ASPH: variants seen among roughly 807,000 people sequenced by gnomAD.
The protein encoded by ASPH is aspartate beta-hydroxylase.
In ASPH, 100 loss-of-function variants were observed where a neutral mutation model predicts 118.4. That is an observed-to-expected ratio of 0.84 (90% CI 0.72 to 1.00). The LOEUF (loss-of-function observed/expected upper bound fraction) is 1.00, where lower values mean the gene tolerates loss of function less well. Among genes scored for constraint, ASPH ranks in the 50% least tolerant of loss-of-function variants. The pLI is 0.00. For missense variants in ASPH, 920 were observed against 919.5 expected (o/e 1.00, Z -0.01); for synonymous variants, 315 against 325.6 (o/e 0.97, Z 0.35).
At chr8:61,656,022 A>G (rs915679309) in intron 3 of ASPH, 3 of 152,346 alleles carry the variant, frequency 2.0e-5, no homozygotes, top group East Asian at 3.9e-4. Context: ...TGTTTCCAAA[A>G]AACTTTTTGC....
chr8:61,624,570 T>G, intron 13 of ASPH: 4 of 981,304 alleles, frequency 4.1e-6, no homozygotes, highest in Non-Finnish European at 4.8e-6. Context: ...CACTCAACAT[T>G]TAATAGAAGA....
intron 13 of ASPH, among the ~76,000 whole-genome samples, chr8:61,628,731 T>C (rs916920435): frequency 3.9e-5 from 6 of 152,144 alleles, no homozygotes; most frequent in African/African-American, 1.4e-4. Flanking sequence ...TCTCCTTCTG[T>C]GTGTTGCTGT....
intron 3 of ASPH, among the ~76,000 whole-genome samples, chr8:61,672,044 T>C (rs913188833): frequency 7.2e-5 from 11 of 152,168 alleles, no homozygotes; most frequent in Admixed American, 7.2e-4. Flanking sequence ...TCTTCCTCCG[T>C]CCCATACTGG....
chr8:61,542,445 T>G (rs1822296759), intron 21 of ASPH, among the ~76,000 whole-genome samples: 1 of 152,200 alleles, frequency 6.6e-6, no homozygotes, highest in Admixed American at 6.5e-5. Flanking sequence ...ATTAAAACAA[T>G]CAATTTCAAT....
chr8:61,505,546 A>G (rs2129611268), intron 24 of ASPH, among the ~76,000 whole-genome samples: 1 of 151,232 alleles, frequency 6.6e-6, no homozygotes, highest in South Asian at 2.1e-4. Flanking sequence ...CATGATTCTG[A>G]GTCCTCCCCA....
chr8:61,580,512 T>C (rs1837179127), intron 15 of ASPH, among the ~76,000 whole-genome samples: 1 of 152,208 alleles, frequency 6.6e-6, no homozygotes, highest in Non-Finnish European at 1.5e-5. Flanking sequence ...TACCACAAAC[T>C]TGATGGCTTA....
rs1265647398 is a variant in ASPH at position 61,567,320 on chromosome 8, TAGA to T, written c.1150-5_1150-3del. On this transcript the variant is annotated splice_region_variant and splice_polypyrimidine_tract_variant and intron_variant, in intron 16 of 24. Transcript: ENST00000379454. ...CTTCTCAGCCAAATCATCCTCACAC[TAGA>T]AGAAGTCCCCAGACTGGATAAATGT... is the stretch of plus-strand genomic sequence containing the variant. 4 of 1,612,686 alleles carry T rather than the reference TAGA, an allele frequency of 2.5e-6. No homozygotes were observed. The highest frequency in any genetic ancestry group is 2.2e-5 in the East Asian group (1 of 44,860).
intron 21 of ASPH, 34 bp downstream of exon 21, chr8:61,548,037 G>T: frequency 6.4e-7 from 1 of 1,570,924 alleles, no homozygotes; most frequent in Non-Finnish European, 8.7e-7. Flanking sequence ...AATAGACAAA[G>T]ATCTGGTGAG....
At chr8:61,664,025 G>T (rs1818258027) in intron 3 of ASPH, 2 of 908,986 alleles carry the variant, frequency 2.2e-6, no homozygotes, top group Non-Finnish European at 2.6e-6. Flanking sequence ...TAGCATTTTT[G>T]ATTCTGTTGT....
At chr8:61,694,637 G>A (rs941788489) in intron 1 of ASPH, among the ~76,000 whole-genome samples, 11 of 152,000 alleles carry the variant, frequency 7.2e-5, no homozygotes, top group African/African-American at 1.5e-4. Context: ...TTTAAACTTC[G>A]TAGTTTTCAG....
chr8:61,600,113 T>TA (rs573431039), intron 14 of ASPH, among the ~76,000 whole-genome samples: 75 of 150,642 alleles, frequency 5.0e-4, no homozygotes, highest in Admixed American at 1.8e-3. Context: ...CATATGAAAA[T>TA]AAAAAAAAAT....
At chr8:61,633,568 G>C (rs1856516458) in intron 13 of ASPH, 115 bp downstream of exon 13, 1 of 884,710 alleles carries the variant, frequency 1.1e-6, no homozygotes, top group Non-Finnish European at 1.7e-6. Context: ...TTAAGGTACA[G>C]TTAATCTCTC....
intron 13 of ASPH, among the ~76,000 whole-genome samples, chr8:61,630,967 T>C (rs2150736386): frequency 6.6e-6 from 1 of 152,266 alleles, no homozygotes; most frequent in African/African-American, 2.4e-5. Context: ...GTGATATTGA[T>C]GATCCTGCAG....
Position 61,517,525 on chromosome 8 carries a change from T to C in ASPH, c.2126+3A>G, listed in dbSNP as rs755333166. The stretch of plus-strand genomic sequence containing the variant: ...GATATGACGGATAACAGAGGACCCA[T>C]ACTTGGTCTCGTTGGCACATCGAAT... On this transcript the variant is annotated splice_donor_region_variant and intron_variant, in intron 24 of 24. Transcript: ENST00000379454. 3.1e-6 allele frequency: 5 copies of C among 1,613,908 alleles called. No homozygotes were observed. Among genetic ancestry groups the C allele is most frequent in the Non-Finnish European group, 4.2e-6 (5 of 1,179,814 alleles).
At chr8:61,627,275 C>T (rs1853335983) in intron 13 of ASPH, among the ~76,000 whole-genome samples, 1 of 152,174 alleles carries the variant, frequency 6.6e-6, no homozygotes, top group South Asian at 2.1e-4. Context: ...CAAATGACTA[C>T]ACTTAACAAG....
At chr8:61,667,963 CAT>C (rs1049951167) in intron 3 of ASPH, among the ~76,000 whole-genome samples, 2 of 150,418 alleles carry the variant, frequency 1.3e-5, no homozygotes, top group African/African-American at 4.8e-5. Flanking sequence ...ACAAATATAA[CAT>C]ATTTGTATAA....
intron 3 of ASPH, among the ~76,000 whole-genome samples, chr8:61,673,435 G>T (rs1823609755): frequency 6.6e-6 from 1 of 152,164 alleles, no homozygotes; most frequent in Non-Finnish European, 1.5e-5. Flanking sequence ...TTTGCAATCG[G>T]ACAAATGTCA....
intron 13 of ASPH, among the ~76,000 whole-genome samples, chr8:61,628,976 C>A (rs768599571): frequency 6.6e-6 from 1 of 152,154 alleles, no homozygotes; most frequent in Non-Finnish European, 1.5e-5. Flanking sequence ...TCCACCCTTG[C>A]CCCCAGACCT....
At chr8:61,699,658 A>C (rs1443594406) in intron 1 of ASPH, among the ~76,000 whole-genome samples, 1 of 152,220 alleles carries the variant, frequency 6.6e-6, no homozygotes, top group East Asian at 1.9e-4. Flanking sequence ...AGAAAATCCT[A>C]AGAAAAATTT....
Sources: gnomAD v4.1 joint callset for allele counts (sites outside exome capture counted in the v4.1 genomes callset) on GRCh38, gnomAD v4.1.1 for gene constraint, MANE v1.5 for transcripts, NCBI Gene and HGNC (gene_info 2026-07-23, HGNC 2026-07-21) for gene names.